DHX37: variants seen among roughly 807,000 people sequenced by gnomAD.
DHX37 encodes the protein DEAH-box helicase 37.
DHX37 carries 52 observed loss-of-function variants against 134.3 expected under a neutral mutation model. The ratio of observed to expected loss-of-function variants is 0.39; its 90% CI spans 0.31 to 0.49. DHX37 has a LOEUF of 0.49. Ranked by LOEUF, DHX37 falls within the 20% of genes least tolerant of loss-of-function variation. DHX37 has a pLI of 0.93. For synonymous variants in DHX37, 634 were observed against 670.7 expected, an observed-to-expected ratio of 0.95 and a Z score of 0.85; for missense variants, 1,344 against 1,580.8, an observed-to-expected ratio of 0.85 and a Z score of 2.54.
rs58929294 is a variant in DHX37, at chr12:124,981,351, G to C, written c.390-513C>G. ...ACAGGCTGAGGAGACCACAGAGTGG[G>C]GTGGGACTGGGTGGGAGGGGCACAC... On this transcript the variant is annotated intron_variant, in intron 3 of 26. Coordinates refer to ENST00000308736, the MANE Select transcript of DHX37 (RefSeq NM_032656.4). Among the ~76,000 whole-genome samples, 545 of 152,188 alleles carry C rather than the reference G, an allele frequency of 3.6e-3. 3 individuals are homozygous for C. The highest frequency in any genetic ancestry group is 0.013 in the African/African-American group (522 of 41,520).
At chr12:124,960,554 T>C in intron 15 of DHX37, 131 bp from the exon 16 acceptor site, 1 of 1,429,146 alleles carries the variant, frequency 7.0e-7, no homozygotes, top group Non-Finnish European at 9.3e-7. Flanking sequence ...GATCTTCACC[T>C]GACAGCAGGC....
In DHX37 at chr12:124,986,090, G is replaced by A. The variant is rs751471128; in HGVS notation, c.276+6C>T. 2 of 1,613,534 alleles carry A rather than the reference G, an allele frequency of 1.2e-6. No homozygotes were observed. Among genetic ancestry groups the A allele is most frequent in the Non-Finnish European group, 1.7e-6 (2 of 1,179,950 alleles). On this transcript the variant is annotated splice_donor_region_variant and intron_variant, in intron 2 of 26. Coordinates refer to ENST00000308736, the MANE Select transcript of DHX37 (RefSeq NM_032656.4). The stretch of plus-strand genomic sequence containing the variant: ...CACTTGCAGACCCTGCCCGAGTGGG[G>A]TGTACCTGGCTCTTTTTCTCCTTCT...
At position 124,985,426 on chromosome 12, in the gene DHX37, CT is replaced by C. The variant is rs1954847687; in HGVS notation, c.276+669del. 3.3e-5 allele frequency among the ~76,000 whole-genome samples: 5 copies of C among 152,138 alleles called. No homozygotes were observed. The South Asian group carries it at 1.0e-3, about 32-fold the overall frequency. ...AAATGTTTGAATTTCCCATGACAAACTTTTTTCCTCTATGAAAAAATTAAGG... is the reference window on the plus strand; with the variant it reads ...AAATGTTTGAATTTCCCATGACAAACTTTTTCCTCTATGAAAAAATTAAGG... On this transcript the variant is annotated intron_variant, in intron 2 of 26. Coordinates refer to ENST00000308736, the MANE Select transcript of DHX37 (RefSeq NM_032656.4).
rs776205527 is a variant in DHX37, at chr12:124,950,071, C to T, written c.3217-12G>A. On this transcript the variant is annotated splice_polypyrimidine_tract_variant and intron_variant, in intron 24 of 26. Coordinates refer to ENST00000308736, the MANE Select transcript of DHX37 (RefSeq NM_032656.4). ...AGCTTGCGGAAGACCTGATGAGAGA[C>T]CACAGGAAGGGGTGAGGCCCGGGCT... The T allele has an allele frequency of 4.3e-6, 7 of 1,613,654 alleles. No homozygotes were observed. The highest frequency in any genetic ancestry group is 1.7e-5 in the Admixed American group (1 of 59,978).
chr12:124,980,363 C>T lies in DHX37; in HGVS notation c.738+127G>A. 2 of 1,093,428 alleles carry T rather than the reference C, an allele frequency of 1.8e-6. No homozygotes were observed. Among genetic ancestry groups the T allele is most frequent in the Non-Finnish European group, 2.5e-6 (2 of 786,390 alleles). The allele number at this position is 1,093,428 out of a possible 1,614,324, so 67.7% of individuals were successfully genotyped here. A position where few individuals can be genotyped will look rare whatever the true frequency, so the allele number is the denominator to read the frequency against. On this transcript the variant is annotated intron_variant, in intron 4 of 26. Transcript: ENST00000308736. The surrounding 1 kb of genome is among the most constrained non-coding windows in gnomAD (Gnocchi z 5.3). ...GCCTCAAGGGAGGCGCAGTCACTCT[C>T]CCCTTTCCCAGATGGGGACATGGAG...
intron 8 of DHX37, among the ~76,000 whole-genome samples, chr12:124,969,541 C>T (rs1954473302): frequency 6.6e-6 from 1 of 152,070 alleles, no homozygotes; most frequent in African/African-American, 2.4e-5. Flanking sequence ...GCCTCACCCC[C>T]GTGCCTTCCG....
At chr12:124,979,186 G>A (rs1954707190) in intron 4 of DHX37, among the ~76,000 whole-genome samples, 1 of 152,122 alleles carries the variant, frequency 6.6e-6, no homozygotes, top group African/African-American at 2.4e-5. Context: ...GGGCAACATG[G>A]CAAAACCCCG....
At chr12:124,953,858 G>T in intron 20 of DHX37, 22 bp downstream of exon 20, 1 of 1,606,104 alleles carries the variant, frequency 6.2e-7, no homozygotes, top group Non-Finnish European at 8.5e-7. Context: ...GGGTGCAGCG[G>T]CGTGCCGGCA....
At chr12:124,962,458 C>A (rs181741649) in intron 15 of DHX37, among the ~76,000 whole-genome samples, 1 of 152,104 alleles carries the variant, frequency 6.6e-6, no homozygotes, top group African/African-American at 2.4e-5. Flanking sequence ...GAGTTCAAGA[C>A]CAGCCCGGTC....
At chr12:124,985,296 A>G (rs1055570719) in intron 2 of DHX37, among the ~76,000 whole-genome samples, 1 of 152,170 alleles carries the variant, frequency 6.6e-6, no homozygotes, top group African/African-American at 2.4e-5. Context: ...AGTGGAGATA[A>G]TCCAAGATTG....
chr12:124,958,191 C>T lies in DHX37; in HGVS notation c.2158-1056G>A, dbSNP rs189726303. Among the ~76,000 whole-genome samples, 127 of 152,352 alleles carry T rather than the reference C, an allele frequency of 8.3e-4. 1 individual carries two copies. Among genetic ancestry groups the T allele is most frequent in the Non-Finnish European group, 1.5e-3 (102 of 68,040 alleles). The stretch of plus-strand genomic sequence containing the variant: ...TTGTGAACACACTGGAAACTACTGA[C>T]CCACACACTTTCAATGGGTGACTGT... On this transcript the variant is annotated intron_variant, in intron 16 of 26. Coordinates refer to ENST00000308736, the MANE Select transcript of DHX37 (RefSeq NM_032656.4).
Position 124,950,793 on chromosome 12 carries a change from G to A in DHX37, c.2880C>T (p.Leu960=), listed in dbSNP as rs960441547. ...KWRNAYKTPL[L]DDPVFIHPSS... ...TGGGGTGGATGAAGACAGGGTCGTCGAGGAGAGGGGTCTGCAGAGAATGGA... is the reference window on the plus strand; with the variant it reads ...TGGGGTGGATGAAGACAGGGTCGTCAAGGAGAGGGGTCTGCAGAGAATGGA... Residue 960 remains leucine, a synonymous_variant, in exon 22 of 27, where the codon CTC becomes CTT. Coordinates refer to ENST00000308736, the MANE Select transcript of DHX37 (RefSeq NM_032656.4). 1.5e-5 allele frequency: 24 copies of A among 1,606,246 alleles called. No homozygotes were observed. Among genetic ancestry groups the A allele is most frequent in the Non-Finnish European group, 1.8e-5 (21 of 1,177,844 alleles).
chr12:124,980,529 G>A lies in DHX37; in HGVS notation c.699C>T (p.Pro233=), dbSNP rs368071109. 6.2e-6 allele frequency: 10 copies of A among 1,612,042 alleles called. No homozygotes were observed. The highest frequency in any genetic ancestry group is 4.5e-5 in the East Asian group (2 of 44,828). ...APPLPRALAK[P]AVFIPVNRSP... ...AGCGGTTCACGGGGATGAAGACGGC[G>A]GGCTTAGCCAGGGCCCTGGGCAGTG... is the stretch of plus-strand genomic sequence containing the variant. The change falls in exon 4 of 27, where the codon CCC becomes CCT. Residue 233 remains proline, a synonymous_variant. Coordinates refer to ENST00000308736, the MANE Select transcript of DHX37 (RefSeq NM_032656.4). This position sits in a 1 kb window ranked among gnomAD's most constrained non-coding sequence, Gnocchi z 5.3.
chr12:124,985,903 A>G (rs1480955580), intron 2 of DHX37, among the ~76,000 whole-genome samples, 193 bp downstream of exon 2: 3 of 151,928 alleles, frequency 2.0e-5, no homozygotes, highest in Admixed American at 1.3e-4. Flanking sequence ...TTCCTCTGCC[A>G]TAGTAGCTGC....
chr12:124,952,199 C>T, intron 21 of DHX37, among the ~76,000 whole-genome samples, 199 bp downstream of exon 21: 1 of 152,106 alleles, frequency 6.6e-6, no homozygotes, highest in East Asian at 1.9e-4. Context: ...AATTTTATCT[C>T]CACTAAACTG....
chr12:124,989,032 G>A lies in DHX37; in HGVS notation c.-10C>T. 1.5e-6 allele frequency: 2 copies of A among 1,352,220 alleles called. No homozygotes were observed. The highest frequency in any genetic ancestry group is 1.9e-6 in the Non-Finnish European group (2 of 1,044,810). 83.8% of individuals were successfully genotyped at this position (1,352,220 alleles called of 1,614,324 possible). On this transcript the variant is annotated 5_prime_UTR_variant, in exon 1 of 27. Transcript: ENST00000308736. ...GGCGCAGCTTCCCCATGGCGACTAG[G>A]CCAGGGTGGGCGCTCCAGCGGCCGG...
chr12:124,951,963 C>T (rs1330870841), intron 21 of DHX37, among the ~76,000 whole-genome samples: 1 of 152,168 alleles, frequency 6.6e-6, no homozygotes, highest in East Asian at 1.9e-4. Context: ...CAGAGTGAGG[C>T]TCTGTCTCAA....
chr12:124,973,637 G>C (rs7973821), intron 6 of DHX37, among the ~76,000 whole-genome samples: 120,790 of 131,878 alleles, frequency 0.92, 55,603 homozygotes, highest in African/African-American at 0.97. Context: ...CCCCCCCAAC[G>C]CTTTTTTTTT....
chr12:124,951,691 G>C (rs1051482483), intron 21 of DHX37, among the ~76,000 whole-genome samples: 4 of 152,196 alleles, frequency 2.6e-5, no homozygotes, highest in Admixed American at 2.6e-4. Context: ...AGGAGTTCAA[G>C]ACTAGCCTGG....
Sources: allele counts gnomAD v4.1 joint callset (sites outside exome capture counted in the v4.1 genomes callset), GRCh38; gene constraint gnomAD v4.1.1; non-coding constraint Gnocchi (gnomAD v3.1); transcripts MANE v1.5; gene names NCBI Gene and HGNC (gene_info 2026-07-23, HGNC 2026-07-21).